CHD2: variants seen among roughly 807,000 people sequenced by gnomAD.
CHD2 encodes ATP-dependent chromatin remodeler CHD2.
A neutral mutation model predicts 243.9 loss-of-function variants in CHD2; 28 were observed. That is an observed-to-expected ratio of 0.11 (90% CI 0.09 to 0.16). CHD2 has a LOEUF of 0.16. Among genes scored for constraint, CHD2 ranks in the 10% least tolerant of loss-of-function variants. The pLI, the probability that CHD2 is intolerant of heterozygous loss-of-function variation, is 1.00. For synonymous variants in CHD2, 775 were observed against 779.0 expected (o/e 0.99, Z 0.09); for missense variants, 1,386 against 2,209.8 (o/e 0.63, Z 7.47).
chr15:92,946,888 A>G (rs1202726983), intron 12 of CHD2: 4 of 151,896 alleles, frequency 2.6e-5, no homozygotes, highest in African/African-American at 9.7e-5. Flanking sequence ...GCTTGAGCAC[A>G]GGAGTTTGAG....
At chr15:92,944,697 TGTTAAG>T (rs2053434170) in intron 10 of CHD2, 182 bp downstream of exon 10, 3 of 352,848 alleles carry the variant, frequency 8.5e-6, no homozygotes, top group Middle Eastern at 7.9e-4. Context: ...GAGAAAGAGG[TGTTAAG>T]TATGACCTCA....
chr15:92,955,476 A>C lies in CHD2; in HGVS notation c.1773A>C (p.Ala591=), dbSNP rs370425217. The change falls in exon 15 of 39, where the codon GCA becomes GCC. Residue 591 remains alanine, a synonymous_variant. Transcript: ENST00000394196. ...AAACCAAAAGATTGAAGTTCAACGC[A>C]CTTATAACAACATATGAGATCCTCT... ...HSQTKRLKFN[A]LITTYEILLK... The C allele has an allele frequency of 1.9e-6, 3 of 1,598,686 alleles. No individual in the cohort carries two copies. The highest frequency in any genetic ancestry group is 2.6e-6 in the Non-Finnish European group (3 of 1,174,730).
At chr15:92,950,721 C>G (rs552102292) in intron 13 of CHD2, among the ~76,000 whole-genome samples, 42 of 151,168 alleles carry the variant, frequency 2.8e-4, no homozygotes, top group African/African-American at 9.5e-4. Context: ...CCATTGCACT[C>G]CAGCCTGGGT....
chr15:92,942,084 T>C (rs755295188), intron 8 of CHD2, 129 bp downstream of exon 8: 10 of 854,756 alleles, frequency 1.2e-5, no homozygotes, highest in Non-Finnish European at 1.8e-5. Flanking sequence ...GAAGTCTTTC[T>C]GACCCAGTGT....
chr15:92,919,067 G>A (rs560789070), intron 2 of CHD2, among the ~76,000 whole-genome samples: 1 of 152,080 alleles, frequency 6.6e-6, no homozygotes, highest in Non-Finnish European at 1.5e-5. Flanking sequence ...TGTTGGCCAG[G>A]CTGGTCTTGA....
At chr15:92,920,312 ATGGAAAGT>A (rs1400700016) in intron 2 of CHD2, among the ~76,000 whole-genome samples, 2 of 152,232 alleles carry the variant, frequency 1.3e-5, no homozygotes, top group African/African-American at 4.8e-5. Context: ...ACTCAGAAAT[ATGGAAAGT>A]GTATCAGAGA....
intron 2 of CHD2, among the ~76,000 whole-genome samples, chr15:92,904,068 A>G (rs1404939604): frequency 6.6e-6 from 1 of 152,234 alleles, no homozygotes; most frequent in Non-Finnish European, 1.5e-5. Flanking sequence ...TGAAATACCA[A>G]AGCCTATTTC....
intron 32 of CHD2, among the ~76,000 whole-genome samples, chr15:93,001,161 C>T (rs1000291898): frequency 2.0e-5 from 3 of 152,090 alleles, no homozygotes; most frequent in African/African-American, 4.8e-5. Flanking sequence ...TGAGTCACCG[C>T]GCCCGTCCTA....
intron 2 of CHD2, chr15:92,914,991 C>G (rs1213425354): frequency 6.6e-6 from 1 of 152,204 alleles, no homozygotes; most frequent in African/African-American, 2.4e-5. Flanking sequence ...TGGGTATCTT[C>G]TTTCCTGAAG....
chr15:92,913,616 G>A (rs1385848539), intron 2 of CHD2, among the ~76,000 whole-genome samples: 1 of 152,230 alleles, frequency 6.6e-6, no homozygotes, highest in African/African-American at 2.4e-5. Context: ...AGCACTTTGG[G>A]AGGCTGAGGT....
intron 17 of CHD2, 140 bp downstream of exon 17, chr15:92,967,653 G>C: frequency 2.0e-6 from 1 of 512,328 alleles, no homozygotes; most frequent in South Asian, 4.8e-5. Flanking sequence ...AGCCTACCGA[G>C]TAGCTGGGAT....
intron 2 of CHD2, among the ~76,000 whole-genome samples, chr15:92,910,133 A>G (rs562655806): frequency 2.8e-3 from 427 of 152,018 alleles, no homozygotes; most frequent in Admixed American, 4.8e-3. Context: ...TAGCCTCCCT[A>G]GTAGCTGGGA....
chr15:92,995,235 A>G (rs960566208), intron 28 of CHD2, among the ~76,000 whole-genome samples: 2 of 152,180 alleles, frequency 1.3e-5, no homozygotes, highest in African/African-American at 2.4e-5. Context: ...ACCTTAATAT[A>G]TAGTTAGACT....
intron 36 of CHD2, among the ~76,000 whole-genome samples, chr15:93,013,411 T>A (rs2054417185): frequency 6.6e-6 from 1 of 152,198 alleles, no homozygotes. Context: ...AAGACTTCAT[T>A]CATTTAGGGA....
At chr15:92,971,491 G>A (rs1379675518) in intron 17 of CHD2, among the ~76,000 whole-genome samples, 1 of 152,158 alleles carries the variant, frequency 6.6e-6, no homozygotes, top group Non-Finnish European at 1.5e-5. Context: ...TGTGTGTTGT[G>A]TATATGTAGA....
chr15:92,976,790 G>A (rs1305026306), intron 20 of CHD2, among the ~76,000 whole-genome samples: 1 of 151,546 alleles, frequency 6.6e-6, no homozygotes, highest in Non-Finnish European at 1.5e-5. Context: ...AGTTCCAGCT[G>A]TTCAGGAGAC....
intron 25 of CHD2, among the ~76,000 whole-genome samples, chr15:92,985,152 G>A (rs968613353): frequency 3.3e-5 from 5 of 152,074 alleles, no homozygotes; most frequent in Non-Finnish European, 7.4e-5. Context: ...TCTGTTATAG[G>A]TACTATTGTC....
At chr15:92,963,184 T>C (rs1289738730) in intron 16 of CHD2, among the ~76,000 whole-genome samples, 1 of 152,240 alleles carries the variant, frequency 6.6e-6, no homozygotes, top group African/African-American at 2.4e-5. Context: ...ACAGAATTAA[T>C]AATATGGTTG....
chr15:92,947,908 A>C (rs1281642934), intron 12 of CHD2, among the ~76,000 whole-genome samples: 1 of 152,246 alleles, frequency 6.6e-6, no homozygotes, highest in African/African-American at 2.4e-5. Flanking sequence ...TAATCTTCAG[A>C]GAAAAGTCCC....
Sources: gnomAD v4.1 joint callset for allele counts (sites outside exome capture counted in the v4.1 genomes callset) on GRCh38, gnomAD v4.1.1 for gene constraint, MANE v1.5 for transcripts, NCBI Gene and HGNC (gene_info 2026-07-23, HGNC 2026-07-21) for gene names.